Variants in RHBDD1 observed in about 807,000 individuals in gnomAD.
The protein encoded by RHBDD1 is rhomboid-related protein 4.
A neutral mutation model predicts 36.3 loss-of-function variants in RHBDD1; 38 were observed. The ratio of observed to expected loss-of-function variants is 1.05; its 90% confidence interval spans 0.81 to 1.37. The LOEUF (loss-of-function observed/expected upper bound fraction) is 1.37. Among genes scored for constraint, RHBDD1 ranks in the 40% most tolerant of loss-of-function variants. RHBDD1 has a pLI of 0.00. For missense variants in RHBDD1, 393 were observed against 377.6 expected (o/e 1.04, Z -0.34); for synonymous variants, 151 against 136.5 (o/e 1.11, Z -0.74).
At chr2:226,971,324 A>G (rs924018603) in intron 8 of RHBDD1, among the ~76,000 whole-genome samples, 2 of 152,222 alleles carry the variant, frequency 1.3e-5, no homozygotes, top group Non-Finnish European at 2.9e-5. Flanking sequence ...GTGAAGTACA[A>G]GTAAGTGGCA....
intron 8 of RHBDD1, among the ~76,000 whole-genome samples, chr2:226,982,829 C>T (rs1274015466): frequency 2.6e-5 from 4 of 152,192 alleles, no homozygotes. Context: ...AGGTGAATTC[C>T]CTTGTTCCTA....
intron 8 of RHBDD1, among the ~76,000 whole-genome samples, chr2:226,915,870 A>T (rs192159804): frequency 6.6e-6 from 1 of 152,198 alleles, no homozygotes; most frequent in Non-Finnish European, 1.5e-5. Context: ...TTAAAACAGT[A>T]AACATTTGTT....
At chr2:226,981,149 T>C (rs558429444) in intron 8 of RHBDD1, among the ~76,000 whole-genome samples, 1 of 152,108 alleles carries the variant, frequency 6.6e-6, no homozygotes, top group South Asian at 2.1e-4. Context: ...TTCTCACTCA[T>C]AGGTGGAAAT....
chr2:226,874,519 C>T (rs1945052614), intron 5 of RHBDD1, among the ~76,000 whole-genome samples: 1 of 152,168 alleles, frequency 6.6e-6, no homozygotes, highest in African/African-American at 2.4e-5. Context: ...CTCCTTCCAG[C>T]TCCTGGTGGC....
At chr2:226,872,746 A>G (rs1426409596) in intron 5 of RHBDD1, among the ~76,000 whole-genome samples, 2 of 152,166 alleles carry the variant, frequency 1.3e-5, no homozygotes, top group Non-Finnish European at 2.9e-5. Flanking sequence ...TGTTCTTATG[A>G]TGCAGTCCTC....
the RHBDD1 span, among the ~76,000 whole-genome samples, chr2:226,826,711 G>A: frequency 2.0e-5 from 3 of 151,550 alleles, no homozygotes; most frequent in East Asian, 1.9e-4. Flanking sequence ...TAGTAGAGAC[G>A]GGGTTTCACC....
intron 8 of RHBDD1, among the ~76,000 whole-genome samples, chr2:226,976,811 G>A (rs959694318): frequency 3.9e-5 from 6 of 152,156 alleles, no homozygotes; most frequent in African/African-American, 1.4e-4. Flanking sequence ...TGGGTCACAA[G>A]GGCAGTGATA....
At chr2:226,862,608 C>G (rs1943952419) in intron 3 of RHBDD1, among the ~76,000 whole-genome samples, 1 of 152,166 alleles carries the variant, frequency 6.6e-6, no homozygotes, top group South Asian at 2.1e-4. Context: ...TTATCTCTTG[C>G]ATCTTTAGTC....
chr2:226,899,149 C>A (rs1947372543), intron 5 of RHBDD1, among the ~76,000 whole-genome samples: 1 of 152,224 alleles, frequency 6.6e-6, no homozygotes, highest in East Asian at 1.9e-4. Context: ...GAACATTTTG[C>A]ATAACCACTT....
intron 8 of RHBDD1, among the ~76,000 whole-genome samples, chr2:226,946,313 G>C (rs769122829): frequency 2.0e-5 from 3 of 151,990 alleles, no homozygotes; most frequent in African/African-American, 4.8e-5. Context: ...TCCATCTTGA[G>C]TTAATTTTTT....
chr2:226,914,797 C>A (rs1318835600), intron 8 of RHBDD1, among the ~76,000 whole-genome samples: 1 of 152,160 alleles, frequency 6.6e-6, no homozygotes, highest in African/African-American at 2.4e-5. Flanking sequence ...TCTGCTGAAC[C>A]AATCTGTCTG....
chr2:226,913,468 A>C (rs1274282955), intron 7 of RHBDD1, among the ~76,000 whole-genome samples: 3 of 152,206 alleles, frequency 2.0e-5, no homozygotes, highest in African/African-American at 7.2e-5. Flanking sequence ...AAATGTAAGG[A>C]ATAAACTCAA....
chr2:226,825,394 C>A, the RHBDD1 span, among the ~76,000 whole-genome samples: 1 of 152,100 alleles, frequency 6.6e-6, no homozygotes, highest in Non-Finnish European at 1.5e-5. Flanking sequence ...AAACAATATT[C>A]TACTATTATC....
intron 3 of RHBDD1, among the ~76,000 whole-genome samples, chr2:226,852,901 T>TTTATTATTATTATTATTATTA (rs34006366): frequency 8.0e-6 from 1 of 125,204 alleles, no homozygotes. Context: ...ACCTGGCTAA[T>TTTATTATTATTATTATTATTA]TTATTATTAT....
chr2:226,829,621 T>A, the RHBDD1 span, among the ~76,000 whole-genome samples: 2 of 152,236 alleles, frequency 1.3e-5, no homozygotes, highest in African/African-American at 2.4e-5. Context: ...CTACCTGGAA[T>A]GAAATTGTTT....
At chr2:226,852,708 A>T (rs898242034) in intron 3 of RHBDD1, among the ~76,000 whole-genome samples, 2 of 152,058 alleles carry the variant, frequency 1.3e-5, no homozygotes, top group African/African-American at 4.8e-5. Context: ...AACAATATCT[A>T]ACTCAAAATT....
chr2:226,979,631 G>T (rs1336243756), intron 8 of RHBDD1, among the ~76,000 whole-genome samples: 2 of 152,218 alleles, frequency 1.3e-5, no homozygotes, highest in African/African-American at 4.8e-5. Context: ...TCAGCAGGCT[G>T]GGTACCCTTC....
the RHBDD1 span, among the ~76,000 whole-genome samples, chr2:226,826,111 C>T: frequency 3.3e-5 from 5 of 152,032 alleles, no homozygotes; most frequent in Admixed American, 3.3e-4. Flanking sequence ...GGAGATCTGG[C>T]TTATTTATCT....
At chr2:226,929,096 A>G (rs1167874941) in intron 8 of RHBDD1, among the ~76,000 whole-genome samples, 2 of 152,058 alleles carry the variant, frequency 1.3e-5, no homozygotes, top group East Asian at 3.8e-4. Flanking sequence ...TACCAGTCCT[A>G]CTGAAACTAT....
Sources: gnomAD v4.1 joint callset for allele counts (sites outside exome capture counted in the v4.1 genomes callset) on GRCh38, gnomAD v4.1.1 for gene constraint, MANE v1.5 for transcripts, NCBI Gene and HGNC (gene_info 2026-07-23, HGNC 2026-07-21) for gene names.